PNPLA7: variants seen among roughly 807,000 people sequenced by gnomAD.
PNPLA7 encodes patatin-like phospholipase domain-containing protein 7.
Under a neutral mutation model 161.7 loss-of-function variants are expected in PNPLA7, and 153 were observed. That is an observed-to-expected ratio of 0.95 (90% CI 0.83 to 1.08). The LOEUF (loss-of-function observed/expected upper bound fraction) is 1.08. PNPLA7 is among the 50% of genes least tolerant of loss of function. The pLI, the probability that PNPLA7 is intolerant of heterozygous loss-of-function variation, is 0.00. For missense variants in PNPLA7, 1,739 were observed against 1,856.6 expected, an observed-to-expected ratio of 0.94 and a Z score of 1.16; for synonymous variants, 809 against 782.1, an observed-to-expected ratio of 1.03 and a Z score of -0.57.
intron 21 of PNPLA7, among the ~76,000 whole-genome samples, chr9:137,482,003 G>A (rs563683474): frequency 3.2e-4 from 49 of 152,304 alleles, no homozygotes; most frequent in African/African-American, 1.1e-3. Flanking sequence ...TTGTTTCTTA[G>A]AGGCACACAA....
intron 12 of PNPLA7, among the ~76,000 whole-genome samples, chr9:137,513,270 C>G (rs1007855387): frequency 1.3e-5 from 2 of 152,076 alleles, no homozygotes; most frequent in Non-Finnish European, 2.9e-5. Flanking sequence ...GTGGGCGGAT[C>G]ACCTGAGGTT....
At chr9:137,515,279 G>A (rs1461634602) in intron 12 of PNPLA7, 100 bp downstream of exon 12, 47 of 1,461,788 alleles carry the variant, frequency 3.2e-5, no homozygotes, top group South Asian at 5.4e-5. Flanking sequence ...GAGGGTGCCC[G>A]CCTCGGCGGC....
rs952246860 is a variant in PNPLA7 at position 137,540,246 on chromosome 9, G to A, written c.747+396C>T. On this transcript the variant is annotated intron_variant, in intron 8 of 34. Coordinates refer to ENST00000406427, the MANE Select transcript of PNPLA7 (RefSeq NM_001098537.3). This position sits in a 1 kb window ranked among gnomAD's most constrained non-coding sequence, Gnocchi z 5.1. ...AGACTGGGAGCCACAGAAAGACGGC[G>A]CCAGCAGGGAAGAGCCCAGCAGGAC... is the stretch of plus-strand genomic sequence containing the variant. Among the ~76,000 whole-genome samples the A allele has an allele frequency of 6.6e-5, 10 of 152,182 alleles. No individual in the cohort carries two copies. Among genetic ancestry groups the A allele is most frequent in the African/African-American group, 2.4e-4 (10 of 41,442 alleles).
chr9:137,479,027 G>C, intron 24 of PNPLA7, 29 bp downstream of exon 24: 3 of 1,527,444 alleles, frequency 2.0e-6, no homozygotes, highest in Non-Finnish European at 2.7e-6. Context: ...ACGGAGCCAC[G>C]GGCAGGCAGC....
In PNPLA7 at chr9:137,467,274, C is replaced by A. The variant is rs1269051624; in HGVS notation, c.3039+43G>T. 6.3e-7 allele frequency: 1 copy of A among 1,576,828 alleles called. No homozygotes were observed. Among genetic ancestry groups the A allele is most frequent in the East Asian group, 2.3e-5 (1 of 43,176 alleles). On this transcript the variant is annotated intron_variant, in intron 26 of 34. Transcript: ENST00000406427. The surrounding 1 kb of genome is among the most constrained non-coding windows in gnomAD (Gnocchi z 5.1). ...CAGCGTCCCCCAGCACCAGCAAGGA[C>A]CTGGGGGCTGTGCTCCGGTGAGGGT...
rs372629739 is a variant in PNPLA7 at position 137,546,817 on chromosome 9, G to A, written c.273+13C>T. On this transcript the variant is annotated intron_variant, in intron 4 of 34. Coordinates refer to ENST00000406427, the MANE Select transcript of PNPLA7 (RefSeq NM_001098537.3). ...GAAGCCGTGTGCAGCCTGGGGCCCC[G>A]AGCAACAGCTACCTTCCTCATGATC... The A allele has an allele frequency of 2.5e-5, 40 of 1,613,434 alleles. No homozygotes were observed. Among genetic ancestry groups the A allele is most frequent in the Middle Eastern group, 3.3e-4 (2 of 6,052 alleles).
At chr9:137,464,640 C>A (rs949940551) in intron 26 of PNPLA7, 184 bp from the exon 27 acceptor site, 1 of 614,002 alleles carries the variant, frequency 1.6e-6, no homozygotes, top group East Asian at 2.8e-5. Flanking sequence ...GGCTGGTGGT[C>A]GCCCCAGGGC....
At chr9:137,533,870 A>C (rs1049262317) in intron 8 of PNPLA7, among the ~76,000 whole-genome samples, 6 of 144,316 alleles carry the variant, frequency 4.2e-5, no homozygotes, top group African/African-American at 1.3e-4. Context: ...TCCAGACAGG[A>C]GCACTCCCAG....
chr9:137,463,496 G>A lies in PNPLA7; in HGVS notation c.3262C>T (p.Leu1088=), dbSNP rs753724484. The part of the protein sequence containing the change: ...LWWYVRASMS[L]SGYMPPLCDP... ...CAGAGAGGGGGCATGTAACCGGACAGGGACATGCTGGCACGCACGTACCAC... is the reference window on the plus strand; with the variant it reads ...CAGAGAGGGGGCATGTAACCGGACAAGGACATGCTGGCACGCACGTACCAC... The change falls in exon 29 of 35, where the codon CTG becomes TTG. Residue 1088 remains leucine (L), a synonymous_variant. Transcript: ENST00000406427. The A allele has an allele frequency of 3.1e-6, 5 of 1,589,014 alleles. 1 individual carries two copies. Among genetic ancestry groups the A allele is most frequent in the Admixed American group, 3.6e-5 (2 of 55,920 alleles).
At chr9:137,461,811 A>AG (rs1270795034) in intron 32 of PNPLA7, 120 bp downstream of exon 32, 14 of 1,250,624 alleles carry the variant, frequency 1.1e-5, no homozygotes, top group Non-Finnish European at 1.3e-5. Flanking sequence ...GTCTTTGGCC[A>AG]GGGGGGCAGG....
chr9:137,466,919 A>G lies in PNPLA7; in HGVS notation c.3039+398T>C, dbSNP rs531379578. Among the ~76,000 whole-genome samples, 302 of 122,160 alleles carry G rather than the reference A, an allele frequency of 2.5e-3. 1 individual carries two copies. The highest frequency in any genetic ancestry group is 0.012 in the Middle Eastern group (2 of 172). The allele number at this position is 122,160 out of a possible 152,430, so 80.1% of individuals were successfully genotyped here. On this transcript the variant is annotated intron_variant, in intron 26 of 34. Coordinates refer to ENST00000406427, the MANE Select transcript of PNPLA7 (RefSeq NM_001098537.3). The stretch of plus-strand genomic sequence containing the variant: ...CTCAGACCCGGGCACGGATCAGACC[A>G]CCTCCCACCACCGTCTCCACCATCT...
intron 8 of PNPLA7, among the ~76,000 whole-genome samples, chr9:137,529,011 T>C (rs538403876): frequency 6.6e-6 from 1 of 152,272 alleles, no homozygotes; most frequent in South Asian, 2.1e-4. Context: ...TTTTTATTTT[T>C]TGAGAAACTG....
chr9:137,525,207 C>T (rs1835239050), intron 8 of PNPLA7, among the ~76,000 whole-genome samples: 1 of 152,328 alleles, frequency 6.6e-6, no homozygotes, highest in African/African-American at 2.4e-5. Flanking sequence ...GGCAAACGTC[C>T]CTGGGTGGCA....
chr9:137,525,663 T>G (rs118178699), intron 8 of PNPLA7, among the ~76,000 whole-genome samples: 10,065 of 144,036 alleles, frequency 0.07, 569 homozygotes, highest in African/African-American at 0.16. Context: ...GTACAGGGCG[T>G]AACACGAAAG....
intron 11 of PNPLA7, among the ~76,000 whole-genome samples, chr9:137,519,021 C>T (rs1270826844): frequency 1.4e-5 from 2 of 145,294 alleles, no homozygotes; most frequent in Non-Finnish European, 3.1e-5. Flanking sequence ...CTCCATCCCC[C>T]ACTCACTCCC....
Position 137,479,230 on chromosome 9 carries a change from C to T in PNPLA7, c.2589G>A (p.Arg863=), listed in dbSNP as rs1395224614. 3.9e-6 allele frequency: 6 copies of T among 1,537,180 alleles called. No individual in the cohort carries two copies. Among genetic ancestry groups the T allele is most frequent in the Non-Finnish European group, 5.3e-6 (6 of 1,138,474 alleles). ...DQEPTVGELE[R]MLESTAVRAQ... is the part of the protein sequence containing the mutation. ...CACGCACAGCTGTGCTCTCCAGCAT[C>T]CGCTCCAGCTGAAAGGCAGAGCCCA... is the stretch of plus-strand genomic sequence containing the variant. Residue 863 remains arginine, a synonymous_variant, in exon 24 of 35, where the codon CGG becomes CGA. Transcript: ENST00000406427.
rs568172712 is a variant in PNPLA7, at chr9:137,537,626, A to G, written c.747+3016T>C. Among the ~76,000 whole-genome samples, 2 of 152,004 alleles carry G rather than the reference A, an allele frequency of 1.3e-5. No individual in the cohort carries two copies. The highest frequency in any genetic ancestry group is 1.9e-4 in the East Asian group (1 of 5,168). On this transcript the variant is annotated intron_variant, in intron 8 of 34. Transcript: ENST00000406427. The surrounding 1 kb of genome is among the most constrained non-coding windows in gnomAD (Gnocchi z 4.5). Reference sequence around the variant, plus strand: ...CACCGTGCTCAGCCAATCACCTCCCATTTTTTACTCCCACTACACTCAGGG... The same window carrying G: ...CACCGTGCTCAGCCAATCACCTCCCGTTTTTTACTCCCACTACACTCAGGG...
rs1836558085 is a variant in PNPLA7 at position 137,546,875 on chromosome 9, C to T, written c.228G>A (p.Arg76=). ...CGTAAAACATCACTTTGTCTCTCTT[C>T]CGGAACCGGTACTGAGGAGTGGGCT... ...QAQPTPQYRF[R]KRDKVMFYGR... The change falls in exon 4 of 35, where the codon CGG becomes CGA. Residue 76 remains arginine (R), a synonymous_variant. Transcript: ENST00000406427. 2 of 1,613,976 alleles carry T rather than the reference C, an allele frequency of 1.2e-6. No individual in the cohort carries two copies. Among genetic ancestry groups the T allele is most frequent in the Middle Eastern group, 1.7e-4 (1 of 6,060 alleles).
At chr9:137,518,760 A>C (rs1333770544) in intron 11 of PNPLA7, among the ~76,000 whole-genome samples, 13 of 16,206 alleles carry the variant, frequency 8.0e-4, no homozygotes, top group Admixed American at 1.9e-3. Flanking sequence ...CCACTCACTC[A>C]CTCCACTCTG....
Sources: allele counts gnomAD v4.1 joint callset (sites outside exome capture counted in the v4.1 genomes callset), GRCh38; gene constraint gnomAD v4.1.1; non-coding constraint Gnocchi (gnomAD v3.1); transcripts MANE v1.5; gene names NCBI Gene and HGNC (gene_info 2026-07-23, HGNC 2026-07-21).